MMP16: variants seen among roughly 807,000 people sequenced by gnomAD.
MMP16 encodes the protein matrix metallopeptidase 16.
MMP16 carries 12 observed loss-of-function variants against 67.8 expected under a neutral mutation model. That is an observed-to-expected ratio of 0.18 (90% CI 0.11 to 0.29). The LOEUF is 0.29. MMP16 is among the 10% of genes least tolerant of loss of function. The probability of loss-of-function intolerance (pLI) is 1.00; values close to 1 mark genes in which losing one functional copy is unlikely to be tolerated. For synonymous variants in MMP16, 249 were observed against 255.9 expected (o/e 0.97, Z 0.26); for missense variants, 475 against 765.7 (o/e 0.62, Z 4.48).
intron 4 of MMP16, among the ~76,000 whole-genome samples, chr8:88,128,821 A>G (rs1053137412): frequency 6.6e-6 from 1 of 151,904 alleles, no homozygotes; most frequent in East Asian, 2.0e-4. Context: ...GGAAGGAGGG[A>G]TCCTAAAGAT....
chr8:88,131,296 A>ACACACACACAG (rs1563540806), intron 4 of MMP16, among the ~76,000 whole-genome samples: 15 of 125,548 alleles, frequency 1.2e-4, no homozygotes. Flanking sequence ...CACACACACA[A>ACACACACACAG]TCTTCCATAA....
intron 4 of MMP16, among the ~76,000 whole-genome samples, chr8:88,142,647 T>A (rs945579960): frequency 5.3e-5 from 8 of 152,130 alleles, no homozygotes; most frequent in African/African-American, 1.9e-4. Context: ...GGTTTAATGA[T>A]AAATCAAAAT....
intron 7 of MMP16, among the ~76,000 whole-genome samples, chr8:88,062,418 C>A (rs2118242628): frequency 6.6e-6 from 1 of 152,196 alleles, no homozygotes; most frequent in Admixed American, 6.6e-5. Flanking sequence ...AAATGTCCAA[C>A]AATGACAGAC....
At chr8:88,159,902 G>C (rs1367874480) in intron 4 of MMP16, among the ~76,000 whole-genome samples, 1 of 151,358 alleles carries the variant, frequency 6.6e-6, no homozygotes, top group Non-Finnish European at 1.5e-5. Flanking sequence ...TGCGGTTTTC[G>C]TCGTTGGTTC....
chr8:88,203,393 C>T (rs542289449), intron 1 of MMP16, among the ~76,000 whole-genome samples: 61 of 152,202 alleles, frequency 4.0e-4, no homozygotes, highest in Non-Finnish European at 8.1e-4. Context: ...TGAGCTACTG[C>T]GCCCGGCCAA....
At chr8:88,084,553 T>C (rs1472442162) in intron 6 of MMP16, among the ~76,000 whole-genome samples, 1 of 151,988 alleles carries the variant, frequency 6.6e-6, no homozygotes, top group Non-Finnish European at 1.5e-5. Flanking sequence ...AGATAGTCAT[T>C]GGATCCCGTA....
chr8:88,145,689 A>C (rs1338348924), intron 4 of MMP16, among the ~76,000 whole-genome samples: 3 of 151,950 alleles, frequency 2.0e-5, no homozygotes, highest in Non-Finnish European at 4.4e-5. Context: ...CCTCATTAGC[A>C]CGTCACTAAC....
chr8:88,143,915 T>G lies in MMP16; in HGVS notation c.709+23754A>C, dbSNP rs576010805. On this transcript the variant is annotated intron_variant, in intron 4 of 9. Transcript: ENST00000286614. ...AAAGTTTAAATTATACCCAATTTAA[T>G]TTCTCTGAATCATCTTCCTAAGAAA... is the stretch of plus-strand genomic sequence containing the variant. Among the ~76,000 whole-genome samples the G allele has an allele frequency of 4.6e-5, 7 of 152,116 alleles. No individual in the cohort carries two copies. The East Asian group carries it at 1.4e-3, about 29-fold the overall frequency.
At chr8:88,078,961 G>A (rs1258365262) in intron 6 of MMP16, among the ~76,000 whole-genome samples, 6 of 151,996 alleles carry the variant, frequency 3.9e-5, no homozygotes, top group African/African-American at 9.7e-5. Flanking sequence ...GTCACCATCC[G>A]AGTCCAAGCT....
At chr8:88,262,814 A>T (rs940217396) in intron 1 of MMP16, among the ~76,000 whole-genome samples, 1 of 144,768 alleles carries the variant, frequency 6.9e-6, no homozygotes, top group Non-Finnish European at 1.5e-5. Context: ...CATCCTGGCT[A>T]ACATGGTGAA....
At chr8:88,136,563 A>C (rs1347258336) in intron 4 of MMP16, among the ~76,000 whole-genome samples, 1 of 151,624 alleles carries the variant, frequency 6.6e-6, no homozygotes, top group Non-Finnish European at 1.5e-5. Flanking sequence ...AACGGTTATC[A>C]GAGCCTGATA....
intron 1 of MMP16, among the ~76,000 whole-genome samples, chr8:88,300,609 T>C (rs1455061687): frequency 2.6e-5 from 4 of 152,218 alleles, no homozygotes; most frequent in African/African-American, 4.8e-5. Context: ...TAATCTTTCA[T>C]TGTGCATATT....
chr8:88,074,706 A>G lies in MMP16; in HGVS notation c.1121T>C (p.Met374Thr). Residue 374 changes from methionine (M) to threonine (T), a missense_variant, in exon 7 of 10, where the codon ATG becomes ACG. Transcript: ENST00000286614. ...WFWRVRNNRV[M>T]DGYPMQITYF... ...AGTAATTTGCATTGGGTATCCATCC[A>G]TCACCCTGTTGTTTCTCACTCGCCA... 6.2e-7 allele frequency: 1 copy of G among 1,613,430 alleles called. No individual in the cohort carries two copies.
chr8:88,322,566 T>C (rs546462215), intron 1 of MMP16, among the ~76,000 whole-genome samples: 1 of 152,090 alleles, frequency 6.6e-6, no homozygotes, highest in East Asian at 1.9e-4. Flanking sequence ...TGGTGGCTCA[T>C]GTCTGTAATC....
At chr8:88,174,498 T>C (rs1056963404) in intron 3 of MMP16, among the ~76,000 whole-genome samples, 2 of 152,220 alleles carry the variant, frequency 1.3e-5, no homozygotes, top group African/African-American at 4.8e-5. Flanking sequence ...ATTACATAAA[T>C]GCGTACATAG....
In MMP16 at chr8:88,035,787, TGTGA is replaced by T. The variant is rs536311255; in HGVS notation, c.*5670_*5673del. The T allele has an allele frequency of 7.9e-5, 12 of 152,134 alleles. No homozygotes were observed. The South Asian group carries it at 2.3e-3, about 29-fold the overall frequency. 9.4% of individuals were successfully genotyped at this position (152,134 alleles called of 1,614,324 possible). ...CAATATGTGTTTTTCCCTTAATTTC[TGTGA>T]GTATGTCCAATCAGTGTTCATTCTT... is the stretch of plus-strand genomic sequence containing the variant. On this transcript the variant is annotated 3_prime_UTR_variant, in exon 10 of 10. Coordinates refer to ENST00000286614, the MANE Select transcript of MMP16 (RefSeq NM_005941.5). This position sits in a 1 kb window ranked among gnomAD's most constrained non-coding sequence, Gnocchi z 4.7.
At chr8:88,171,849 C>T (rs574657373) in intron 3 of MMP16, among the ~76,000 whole-genome samples, 93 of 145,968 alleles carry the variant, frequency 6.4e-4, no homozygotes, top group African/African-American at 1.5e-3. Flanking sequence ...TTTTTTGAGA[C>T]GGAGTCTCAT....
intron 1 of MMP16, among the ~76,000 whole-genome samples, chr8:88,263,849 T>C (rs11782646): frequency 0.42 from 63,770 of 151,676 alleles, 16,761 homozygotes; most frequent in Non-Finnish European, 0.59. Flanking sequence ...CACAATTCAA[T>C]CCATAACATC....
intron 1 of MMP16, among the ~76,000 whole-genome samples, chr8:88,281,094 T>A (rs889507321): frequency 1.3e-5 from 2 of 152,148 alleles, no homozygotes; most frequent in Non-Finnish European, 2.9e-5. Context: ...GTACAAGACT[T>A]GTATCAAGGA....
Sources: allele counts gnomAD v4.1 joint callset (sites outside exome capture counted in the v4.1 genomes callset), GRCh38; gene constraint gnomAD v4.1.1; non-coding constraint Gnocchi (gnomAD v3.1); transcripts MANE v1.5; gene names NCBI Gene and HGNC (gene_info 2026-07-23, HGNC 2026-07-21).